Variants in MAP2 observed in about 807,000 individuals in gnomAD.
The protein encoded by MAP2 is microtubule-associated protein 2.
In MAP2, 14 loss-of-function variants were observed where a neutral mutation model predicts 137.6. The observed-to-expected ratio is 0.10, with a 90% confidence interval of 0.07 to 0.16. The LOEUF (loss-of-function observed/expected upper bound fraction) is 0.16, where lower values mean the gene tolerates loss of function less well. Ranked by LOEUF, MAP2 falls within the 10% of genes least tolerant of loss-of-function variation. The pLI is 1.00. For missense variants in MAP2, 2,088 were observed against 2,191.5 expected (o/e 0.95, Z 0.94); for synonymous variants, 786 against 782.3 (o/e 1.00, Z -0.08).
intron 10 of MAP2, among the ~76,000 whole-genome samples, chr2:209,698,757 G>GCTTCATTAAACTTAGAA (rs1294234123): frequency 6.6e-6 from 1 of 152,136 alleles, no homozygotes; most frequent in South Asian, 2.1e-4. Context: ...CAGGTTTTTA[G>GCTTCATTAAACTTAGAA]CTTCATTAAA....
rs143746110 is a variant in MAP2 at position 209,514,069 on chromosome 2, A to G, written c.-172+6428A>G. On this transcript the variant is annotated intron_variant, in intron 2 of 15. Coordinates refer to ENST00000682079, the MANE Select transcript of MAP2 (RefSeq NM_001375505.1). The stretch of plus-strand genomic sequence containing the variant: ...TGAAATGTGATTCTGGAAGCCTTGT[A>G]TTTCTCCTTAAAGTAGTAAACAAAT... Among the ~76,000 whole-genome samples, 178 of 152,278 alleles carry G rather than the reference A, an allele frequency of 1.2e-3. No homozygotes were observed. In the Middle Eastern group the frequency reaches 0.014, roughly 12 times the overall value.
At position 209,693,937 on chromosome 2, in the gene MAP2, C is replaced by T. The variant is rs1196926890; in HGVS notation, c.1767C>T (p.Gly589=). The T allele has an allele frequency of 1.2e-5, 19 of 1,613,162 alleles. 2 individuals carry two copies. In the South Asian group the frequency reaches 2.1e-4, roughly 18 times the overall value. Residue 589 remains glycine (G), a synonymous_variant, in exon 8 of 16, where the codon GGC becomes GGT. Transcript: ENST00000682079. ...AAGCAACAAAAAGCATTGAGCCAGG[C>T]AGTGATTACTATGAACTGAGTGACA... ...KEEATKSIEP[G]SDYYELSDTR...
chr2:209,444,436 T>TGAGAC (rs1361435815), intron 1 of MAP2, among the ~76,000 whole-genome samples: 7 of 151,618 alleles, frequency 4.6e-5, no homozygotes, highest in Non-Finnish European at 8.9e-5. Context: ...GACAAGTACG[T>TGAGAC]GAGACTGTCG....
chr2:209,505,309 A>G (rs2150167759), intron 1 of MAP2, among the ~76,000 whole-genome samples: 1 of 152,294 alleles, frequency 6.6e-6, no homozygotes, highest in East Asian at 1.9e-4. Flanking sequence ...AAAATGATAC[A>G]CATAAATTGA....
chr2:209,563,202 A>T (rs554560932), intron 2 of MAP2, among the ~76,000 whole-genome samples: 2 of 152,254 alleles, frequency 1.3e-5, no homozygotes, highest in African/African-American at 4.8e-5. Context: ...AAAGCATATG[A>T]CCTGAATTCA....
chr2:209,574,865 T>C (rs981130678), intron 2 of MAP2, among the ~76,000 whole-genome samples: 3 of 152,212 alleles, frequency 2.0e-5, no homozygotes, highest in African/African-American at 7.2e-5. Flanking sequence ...GCCTATTTGA[T>C]TTAGAATAAC....
intron 1 of MAP2, among the ~76,000 whole-genome samples, chr2:209,431,397 ATTAG>A (rs1052173343): frequency 3.3e-5 from 5 of 152,082 alleles, no homozygotes; most frequent in African/African-American, 9.7e-5. Context: ...TCTTTTTGTA[ATTAG>A]TTAATTATTT....
chr2:209,575,762 C>A (rs750747674), intron 2 of MAP2, among the ~76,000 whole-genome samples: 26 of 152,058 alleles, frequency 1.7e-4, no homozygotes, highest in Non-Finnish European at 3.1e-4. Context: ...GCTTTGGATA[C>A]CAGTGTCCCA....
At chr2:209,525,072 C>T (rs200229001) in intron 2 of MAP2, among the ~76,000 whole-genome samples, 6 of 152,082 alleles carry the variant, frequency 3.9e-5, no homozygotes, top group East Asian at 1.9e-4. Context: ...TTTTAATATA[C>T]GTTCTAGCTT....
chr2:209,424,641 A>G (rs998671953), intron 1 of MAP2, among the ~76,000 whole-genome samples: 19 of 152,210 alleles, frequency 1.2e-4, no homozygotes, highest in African/African-American at 4.1e-4. Context: ...TGGATTCTAC[A>G]AAGATAGTGG....
chr2:209,496,118 C>G (rs1251606141), intron 1 of MAP2, among the ~76,000 whole-genome samples: 1 of 152,170 alleles, frequency 6.6e-6, no homozygotes, highest in Admixed American at 6.5e-5. Context: ...ATGAATAATA[C>G]AATGTCTAGA....
intron 1 of MAP2, among the ~76,000 whole-genome samples, chr2:209,455,098 C>G (rs1701228536): frequency 6.6e-6 from 1 of 152,190 alleles, no homozygotes; most frequent in African/African-American, 2.4e-5. Flanking sequence ...TTAACCTCAT[C>G]TAAACCCAGT....
At position 209,692,685 on chromosome 2, in the gene MAP2, C is replaced by A. The variant is rs747464633; in HGVS notation, c.515C>A (p.Ala172Asp). Residue 172 changes from alanine (A) to aspartate (D), a missense_variant, in exon 8 of 16, where the codon GCT becomes GAT. Ala to Asp is a moderately radical substitution (Grantham distance 126). Transcript: ENST00000682079. ...CAACAGGAATTGACTCCCTCTACAG[C>A]TGAGCCTTCAGACCAGAAGGAAAAG... Reference protein sequence around the residue: ...HDQQELTPSTAEPSDQKEKES... With the variant: ...HDQQELTPSTDEPSDQKEKES... The A allele has an allele frequency of 6.2e-7, 1 of 1,612,564 alleles. No homozygotes were observed. Among genetic ancestry groups the A allele is most frequent in the Non-Finnish European group, 8.5e-7 (1 of 1,179,494 alleles).
At chr2:209,438,001 C>A (rs36013249) in intron 1 of MAP2, among the ~76,000 whole-genome samples, 20,387 of 151,488 alleles carry the variant, frequency 0.13, 3,355 homozygotes, top group African/African-American at 0.39. Context: ...AACCAGATTT[C>A]AACAAATATT....
chr2:209,523,493 A>C (rs1277922502), intron 2 of MAP2, among the ~76,000 whole-genome samples: 1 of 151,908 alleles, frequency 6.6e-6, no homozygotes, highest in African/African-American at 2.4e-5. Context: ...ACCCTGTCTG[A>C]GCTCCTCAGC....
chr2:209,500,911 C>A (rs2060295649), intron 1 of MAP2, among the ~76,000 whole-genome samples: 1 of 151,704 alleles, frequency 6.6e-6, no homozygotes. Context: ...GTGGTGCATG[C>A]CTCTAGTCCC....
intron 4 of MAP2, among the ~76,000 whole-genome samples, chr2:209,641,804 T>TA (rs759786837): frequency 1.3e-5 from 2 of 152,032 alleles, no homozygotes; most frequent in Non-Finnish European, 1.5e-5. Context: ...TCTGATATAA[T>TA]AAAAAATAGG....
chr2:209,679,413 A>G (rs1418991226), intron 6 of MAP2, among the ~76,000 whole-genome samples: 1 of 151,986 alleles, frequency 6.6e-6, no homozygotes, highest in Non-Finnish European at 1.5e-5. Flanking sequence ...AGATAGATAG[A>G]TAGAGAGATG....
chr2:209,723,744 C>A, intron 13 of MAP2: 1 of 1,155,538 alleles, frequency 8.7e-7, no homozygotes, highest in Non-Finnish European at 1.3e-6. Flanking sequence ...ACCTGCACAG[C>A]CAGCACCCTG....
Sources: allele counts gnomAD v4.1 joint callset (sites outside exome capture counted in the v4.1 genomes callset), GRCh38; gene constraint gnomAD v4.1.1; transcripts MANE v1.5; gene names NCBI Gene and HGNC (gene_info 2026-07-23, HGNC 2026-07-21).